The following USP46 variants were observed in gnomAD, a reference collection of about 807,000 sequenced individuals.
The protein encoded by USP46 is ubiquitin specific peptidase 46.
USP46 carries 12 observed loss-of-function variants against 44.4 expected under a neutral mutation model. The ratio of observed to expected loss-of-function variants is 0.27; its 90% CI spans 0.17 to 0.44. The LOEUF (loss-of-function observed/expected upper bound fraction) is 0.44, where lower values mean the gene tolerates loss of function less well. Ranked by LOEUF, USP46 falls within the 20% of genes least tolerant of loss-of-function variation. The pLI, the probability that USP46 is intolerant of heterozygous loss-of-function variation, is 1.00. For missense variants in USP46, 248 were observed against 444.8 expected (o/e 0.56, Z 3.98); for synonymous variants, 155 against 161.5 (o/e 0.96, Z 0.31).
At chr4:52,650,765 T>C (rs542424014) in intron 1 of USP46, among the ~76,000 whole-genome samples, 1 of 152,190 alleles carries the variant, frequency 6.6e-6, no homozygotes, top group Non-Finnish European at 1.5e-5. Context: ...CTGTTCTGAA[T>C]ATATAAACTA....
Position 52,592,969 on chromosome 4 carries a change from A to G in USP46, c.*4671T>C. Reference sequence around the variant, plus strand: ...TAAGTTTCCTGAGGCCTCCCCCAGAACAGAAGCCTGTACAGCCCATAAAAC... The same window carrying G: ...TAAGTTTCCTGAGGCCTCCCCCAGAGCAGAAGCCTGTACAGCCCATAAAAC... On this transcript the variant is annotated 3_prime_UTR_variant, in exon 9 of 9. Transcript: ENST00000441222. The G allele has an allele frequency of 5.0e-6, 2 of 398,676 alleles. No individual in the cohort carries two copies. Among genetic ancestry groups the G allele is most frequent in the South Asian group, 2.5e-4 (2 of 7,860 alleles). The allele number at this position is 398,676 out of a possible 1,614,324, so 24.7% of individuals were successfully genotyped here.
In USP46 at chr4:52,626,256, G is replaced by A. The variant is rs1717579128; in HGVS notation, c.332-9C>T. The A allele has an allele frequency of 1.9e-6, 3 of 1,602,272 alleles. No individual in the cohort carries two copies. The highest frequency in any genetic ancestry group is 1.1e-5 in the South Asian group (1 of 88,744). ...GTAGTTATCAAAGAGATCTGGAAAGGAGAAGGTGGTTATTTCAGTCTCTGG... is the reference window on the plus strand; with the variant it reads ...GTAGTTATCAAAGAGATCTGGAAAGAAGAAGGTGGTTATTTCAGTCTCTGG... On this transcript the variant is annotated splice_polypyrimidine_tract_variant and intron_variant, in intron 3 of 8. Transcript: ENST00000441222.
chr4:52,647,654 C>G (rs1283470022), intron 1 of USP46, among the ~76,000 whole-genome samples: 1 of 152,220 alleles, frequency 6.6e-6, no homozygotes, highest in East Asian at 1.9e-4. Context: ...CACACACCAC[C>G]AGCATGTGTC....
At chr4:52,628,786 T>C (rs1363407874) in intron 2 of USP46, among the ~76,000 whole-genome samples, 2 of 152,180 alleles carry the variant, frequency 1.3e-5, no homozygotes, top group Non-Finnish European at 2.9e-5. Context: ...CTTCCCACCC[T>C]CTGGACTTCT....
At chr4:52,625,132 T>C (rs1371903545) in intron 4 of USP46, among the ~76,000 whole-genome samples, 1 of 152,170 alleles carries the variant, frequency 6.6e-6, no homozygotes, top group African/African-American at 2.4e-5. Flanking sequence ...TTCTATGCTG[T>C]CAGTAGTAGT....
In USP46 at chr4:52,598,751, C is replaced by G. The variant is rs766363845; in HGVS notation, c.921-45G>C. 9.1e-6 allele frequency: 14 copies of G among 1,537,276 alleles called. No homozygotes were observed. The East Asian group carries it at 2.4e-4, about 26-fold the overall frequency. ...AGGCAGTTAGCAAGTTAACATTTAT[C>G]TCTTTATAAAACTCTACTTAGCTCT... On this transcript the variant is annotated intron_variant, in intron 7 of 8. Coordinates refer to ENST00000441222, the MANE Select transcript of USP46 (RefSeq NM_022832.4).
intron 1 of USP46, among the ~76,000 whole-genome samples, chr4:52,656,912 T>C (rs1718971828): frequency 6.6e-6 from 1 of 151,706 alleles, no homozygotes; most frequent in South Asian, 2.1e-4. Context: ...TGGTGGCACG[T>C]GCCTGTAGTC....
rs1719079991 is a variant in USP46 at position 52,659,219 on chromosome 4, CGCGCTGGCGGGGAGGCCGGGCGGCA to C, written c.-94_-70del. 17 of 1,424,986 alleles carry C rather than the reference CGCGCTGGCGGGGAGGCCGGGCGGCA, an allele frequency of 1.2e-5. No individual in the cohort carries two copies. In the South Asian group the frequency reaches 2.0e-4, roughly 17 times the overall value. 88.3% of individuals were successfully genotyped at this position (1,424,986 alleles called of 1,614,324 possible). Reference sequence around the variant, plus strand: ...GGGAAACCGGGACTGCCCATGGTGGCGCGCTGGCGGGGAGGCCGGGCGGCAGCGCGGCGGCCTGGGGTCCGGCTTT... The same window carrying C: ...GGGAAACCGGGACTGCCCATGGTGGCGCGCGGCGGCCTGGGGTCCGGCTTT... On this transcript the variant is annotated 5_prime_UTR_variant, in exon 1 of 9. Transcript: ENST00000441222. This position sits in a 1 kb window ranked among gnomAD's most constrained non-coding sequence, Gnocchi z 4.2.
intron 4 of USP46, among the ~76,000 whole-genome samples, chr4:52,625,566 G>A (rs766519964): frequency 3.9e-5 from 6 of 151,988 alleles, no homozygotes; most frequent in Non-Finnish European, 7.4e-5. Flanking sequence ...TAAGTAACTC[G>A]CCCCAAATAC....
intron 6 of USP46, among the ~76,000 whole-genome samples, chr4:52,602,463 C>T (rs927614430): frequency 3.3e-5 from 5 of 152,110 alleles, no homozygotes; most frequent in African/African-American, 4.8e-5. Flanking sequence ...TAGATGATGC[C>T]GACTGCTGGA....
At chr4:52,618,953 A>C (rs192169122) in intron 4 of USP46, among the ~76,000 whole-genome samples, 16 of 152,348 alleles carry the variant, frequency 1.1e-4, no homozygotes, top group African/African-American at 3.6e-4. Flanking sequence ...AACATGTTAA[A>C]GCCACTGAGA....
At chr4:52,650,362 T>C (rs895096208) in intron 1 of USP46, among the ~76,000 whole-genome samples, 1 of 152,224 alleles carries the variant, frequency 6.6e-6, no homozygotes, top group Non-Finnish European at 1.5e-5. Flanking sequence ...CACGATTTTA[T>C]CCACACACAA....
In USP46 at chr4:52,605,529, G is replaced by T. The variant is rs1472545552; in HGVS notation, c.639-945C>A. Among the ~76,000 whole-genome samples the T allele has an allele frequency of 2.0e-5, 3 of 152,152 alleles. No homozygotes were observed. The East Asian group carries it at 5.8e-4, about 29-fold the overall frequency. ...AAACAGAAAATGTTATTTAAAATGT[G>T]TTAAATGATTCTACCACTTACACAG... On this transcript the variant is annotated intron_variant, in intron 5 of 8. Transcript: ENST00000441222.
At chr4:52,601,470 T>C (rs1368986561) in intron 7 of USP46, among the ~76,000 whole-genome samples, 2 of 152,210 alleles carry the variant, frequency 1.3e-5, no homozygotes, top group Non-Finnish European at 1.5e-5. Context: ...ATTTGATCCA[T>C]TGCTTCTAGT....
chr4:52,630,954 G>A (rs1050866821), intron 2 of USP46, 110 bp downstream of exon 2: 12 of 886,684 alleles, frequency 1.4e-5, no homozygotes, highest in South Asian at 3.2e-5. Context: ...TACTAACTAC[G>A]GAGCATGACC....
intron 8 of USP46, 42 bp downstream of exon 8, chr4:52,598,586 A>G (rs1560388947): frequency 1.3e-6 from 2 of 1,546,800 alleles, no homozygotes; most frequent in Admixed American, 1.8e-5. Context: ...CCGAAATACT[A>G]CTGATGCTCT....
At chr4:52,642,550 C>G (rs1718387102) in intron 1 of USP46, among the ~76,000 whole-genome samples, 1 of 152,184 alleles carries the variant, frequency 6.6e-6, no homozygotes, top group Non-Finnish European at 1.5e-5. Context: ...GTTGGGAGAA[C>G]CCCCTTCCTT....
intron 6 of USP46, 106 bp from the exon 7 acceptor site, chr4:52,602,160 C>T (rs1341249151): frequency 8.0e-6 from 10 of 1,244,188 alleles, no homozygotes; most frequent in Admixed American, 2.4e-5. Context: ...TATCCAACTT[C>T]AAACCAGCAA....
chr4:52,648,413 A>G (rs1718633848), intron 1 of USP46, among the ~76,000 whole-genome samples: 1 of 152,218 alleles, frequency 6.6e-6, no homozygotes, highest in African/African-American at 2.4e-5. Context: ...AAAGCATAAA[A>G]TTAGCTCATC....
Sources: allele counts gnomAD v4.1 joint callset (sites outside exome capture counted in the v4.1 genomes callset), GRCh38; gene constraint gnomAD v4.1.1; non-coding constraint Gnocchi (gnomAD v3.1); transcripts MANE v1.5; gene names NCBI Gene and HGNC (gene_info 2026-07-23, HGNC 2026-07-21).